Variants in DOCK4 observed in about 807,000 individuals in gnomAD.
The protein encoded by DOCK4 is dedicator of cytokinesis 4.
Under a neutral mutation model 268.1 loss-of-function variants are expected in DOCK4, and 97 were observed. The ratio of observed to expected loss-of-function variants is 0.36; its 90% CI spans 0.31 to 0.43. The LOEUF (loss-of-function observed/expected upper bound fraction) is 0.43, where lower values mean the gene tolerates loss of function less well. Among genes scored for constraint, DOCK4 ranks in the 20% least tolerant of loss-of-function variants. The pLI is 1.00. For missense variants in DOCK4, 2,145 were observed against 2,455.7 expected (o/e 0.87, Z 2.67); for synonymous variants, 954 against 887.2 (o/e 1.08, Z -1.34).
At position 111,773,103 on chromosome 7, in the gene DOCK4, T is replaced by A. The variant is rs566586033; in HGVS notation, c.3680-3426A>T. Among the ~76,000 whole-genome samples, 4 of 152,328 alleles carry A rather than the reference T, an allele frequency of 2.6e-5. No homozygotes were observed. The South Asian group carries it at 8.3e-4, about 32-fold the overall frequency. On this transcript the variant is annotated intron_variant, in intron 36 of 52. Coordinates refer to ENST00000428084, the MANE Select transcript of DOCK4 (RefSeq NM_001363540.2). ...TGTCTAGAGGAGGCAGTAGTAAATT[T>A]TTATTAATCCCATTCTACCATTTTG...
chr7:111,976,459 G>A (rs572766443), intron 8 of DOCK4: 15 of 149,930 alleles, frequency 1.0e-4, no homozygotes, highest in South Asian at 2.1e-4. Flanking sequence ...TTTGAAAGAC[G>A]GCAAGTTTTG....
chr7:112,073,009 C>T (rs1807742435), intron 1 of DOCK4, among the ~76,000 whole-genome samples: 1 of 152,140 alleles, frequency 6.6e-6, no homozygotes, highest in South Asian at 2.1e-4. Context: ...GAAGGGATCA[C>T]AACACCCCCA....
intron 8 of DOCK4, among the ~76,000 whole-genome samples, chr7:111,952,784 A>G (rs1441589701): frequency 6.6e-6 from 1 of 152,260 alleles, no homozygotes; most frequent in Non-Finnish European, 1.5e-5. Context: ...CAATAACAAC[A>G]GAGAACACAT....
At chr7:111,845,979 T>C (rs1017397127) in intron 24 of DOCK4, among the ~76,000 whole-genome samples, 2 of 152,212 alleles carry the variant, frequency 1.3e-5, no homozygotes, top group South Asian at 4.1e-4. Flanking sequence ...CAGATCACCT[T>C]TGGGGCCTGG....
chr7:111,979,710 C>T (rs1444355743), intron 7 of DOCK4, among the ~76,000 whole-genome samples: 1 of 152,094 alleles, frequency 6.6e-6, no homozygotes, highest in Non-Finnish European at 1.5e-5. Flanking sequence ...ATGTAAAAAC[C>T]TCATGAAAAG....
intron 13 of DOCK4, among the ~76,000 whole-genome samples, chr7:111,911,890 C>T (rs574784300): frequency 2.6e-5 from 4 of 151,848 alleles, no homozygotes; most frequent in Non-Finnish European, 5.9e-5. Flanking sequence ...AGAGGAAATA[C>T]CAGTTATTTA....
intron 1 of DOCK4, among the ~76,000 whole-genome samples, chr7:112,123,700 T>C (rs1812956434): frequency 6.6e-6 from 1 of 152,228 alleles, no homozygotes; most frequent in Non-Finnish European, 1.5e-5. Flanking sequence ...CCATGGCAAC[T>C]TGTATATTCC....
chr7:112,000,351 AT>A, intron 3 of DOCK4, 142 bp downstream of exon 3: 1 of 532,870 alleles, frequency 1.9e-6, no homozygotes, highest in Non-Finnish European at 3.4e-6. Context: ...GTTCAAAGGA[AT>A]TTCCAAAATT....
At chr7:112,137,163 T>A (rs556970367) in intron 1 of DOCK4, among the ~76,000 whole-genome samples, 1 of 152,296 alleles carries the variant, frequency 6.6e-6, no homozygotes, top group Admixed American at 6.5e-5. Context: ...ATTTAAATAA[T>A]TTTTTTATCA....
chr7:111,977,413 G>T (rs535479088), intron 7 of DOCK4, 130 bp from the exon 8 acceptor site: 2 of 1,008,396 alleles, frequency 2.0e-6, no homozygotes, highest in East Asian at 2.7e-5. Flanking sequence ...TGTGGATTTG[G>T]TATCTAAATC....
At chr7:112,168,721 T>C (rs868028550) in intron 1 of DOCK4, among the ~76,000 whole-genome samples, 30 of 151,970 alleles carry the variant, frequency 2.0e-4, no homozygotes, top group African/African-American at 6.3e-4. Flanking sequence ...TCAAAAAACA[T>C]AGAGTTAAGT....
intron 42 of DOCK4, among the ~76,000 whole-genome samples, chr7:111,750,046 A>T (rs538919210): frequency 6.6e-6 from 1 of 152,344 alleles, no homozygotes; most frequent in South Asian, 2.1e-4. Flanking sequence ...TCTATCCTTC[A>T]GATTACAATC....
At chr7:112,059,732 G>A (rs1461185839) in intron 1 of DOCK4, among the ~76,000 whole-genome samples, 1 of 152,096 alleles carries the variant, frequency 6.6e-6, no homozygotes, top group Non-Finnish European at 1.5e-5. Flanking sequence ...TGTCAAAAGA[G>A]GGGGGAAAAA....
intron 30 of DOCK4, among the ~76,000 whole-genome samples, chr7:111,803,025 T>G (rs1353393789): frequency 6.6e-6 from 1 of 152,208 alleles, no homozygotes; most frequent in Non-Finnish European, 1.5e-5. Flanking sequence ...TTCCTTAAAT[T>G]AATTAAAAAC....
At chr7:112,071,044 T>C (rs1563056408) in intron 1 of DOCK4, among the ~76,000 whole-genome samples, 1 of 152,360 alleles carries the variant, frequency 6.6e-6, no homozygotes, top group South Asian at 2.1e-4. Context: ...GTAAAGCAGT[T>C]GGCAGAAGAC....
At chr7:112,179,300 C>G (rs749335412) in intron 1 of DOCK4, among the ~76,000 whole-genome samples, 3 of 151,704 alleles carry the variant, frequency 2.0e-5, no homozygotes, top group African/African-American at 7.3e-5. Flanking sequence ...GTGGGAGGAT[C>G]ACTTGTGCCT....
chr7:112,183,097 G>C, intron 1 of DOCK4, among the ~76,000 whole-genome samples: 1 of 152,194 alleles, frequency 6.6e-6, no homozygotes, highest in East Asian at 1.9e-4. Flanking sequence ...TTACAAATCA[G>C]AAGGCAGCCT....
At chr7:111,763,065 G>C (rs1400192103) in intron 39 of DOCK4, among the ~76,000 whole-genome samples, 1 of 151,896 alleles carries the variant, frequency 6.6e-6, no homozygotes, top group Non-Finnish European at 1.5e-5. Flanking sequence ...ACCGTGCCCA[G>C]CTAAATAACC....
chr7:111,893,181 ACT>A (rs1291616995), intron 16 of DOCK4, among the ~76,000 whole-genome samples: 3 of 152,186 alleles, frequency 2.0e-5, no homozygotes, highest in Non-Finnish European at 4.4e-5. Flanking sequence ...CCTGGACAGG[ACT>A]CTGTCTAGGA....
Sources: gnomAD v4.1 joint callset for allele counts (sites outside exome capture counted in the v4.1 genomes callset) on GRCh38, gnomAD v4.1.1 for gene constraint, MANE v1.5 for transcripts, NCBI Gene and HGNC (gene_info 2026-07-23, HGNC 2026-07-21) for gene names.